Variants in TEP1 observed in about 807,000 individuals in gnomAD.
TEP1 encodes telomerase associated protein 1, also known as telomerase protein component 1.
Under a neutral mutation model 306.3 loss-of-function variants are expected in TEP1, and 241 were observed. The ratio of observed to expected loss-of-function variants is 0.79; its 90% CI spans 0.71 to 0.88. TEP1 has a LOEUF of 0.88. Among genes scored for constraint, TEP1 ranks in the 40% least tolerant of loss-of-function variants. The pLI is 0.00. For missense variants in TEP1, 3,051 were observed against 3,276.1 expected (o/e 0.93, Z 1.68); for synonymous variants, 1,289 against 1,305.5 (o/e 0.99, Z 0.27).
rs756543931 is a variant in TEP1, at chr14:20,373,818, C to T, written c.6472-8G>A. The stretch of plus-strand genomic sequence containing the variant: ...AGACACCACGTGCTCCTCCTGCCCA[C>T]AGAGCACAAGATCAGAGCAGAGTCA... On this transcript the variant is annotated splice_polypyrimidine_tract_variant and splice_region_variant and intron_variant, in intron 44 of 54. Coordinates refer to ENST00000262715, the MANE Select transcript of TEP1 (RefSeq NM_007110.5). 12 of 1,612,170 alleles carry T rather than the reference C, an allele frequency of 7.4e-6. No homozygotes were observed. The East Asian group carries it at 2.7e-4, about 36-fold the overall frequency.
At chr14:20,390,652 G>T in intron 15 of TEP1, 29 bp downstream of exon 15, 1 of 1,603,428 alleles carries the variant, frequency 6.2e-7, no homozygotes, top group Non-Finnish European at 8.5e-7. Flanking sequence ...GTGGGGGAGG[G>T]AGAGGGTTTC....
At chr14:20,383,679 A>G (rs1876809163) in intron 25 of TEP1, 35 bp from the exon 26 acceptor site, 1 of 1,599,626 alleles carries the variant, frequency 6.3e-7, no homozygotes, top group South Asian at 1.1e-5. Context: ...TCAGTGGGAG[A>G]GAAAAAAAAA....
At position 20,384,873 on chromosome 14, in the gene TEP1, C is replaced by T. The variant is rs1876986832; in HGVS notation, c.3107+112G>A. On this transcript the variant is annotated intron_variant, in intron 21 of 54. Coordinates refer to ENST00000262715, the MANE Select transcript of TEP1 (RefSeq NM_007110.5). ...GTGGGGCTGCAAAGGCATGCTGAGT[C>T]CTGTTTCTGCCTCATAGCACTCCCC... The T allele has an allele frequency of 3.2e-6, 5 of 1,546,182 alleles. No homozygotes were observed. The Admixed American group carries it at 9.5e-5, about 29-fold the overall frequency.
rs1885304641 is a variant in TEP1, at chr14:20,378,111, A to G, written c.5634T>C (p.Ala1878=). Residue 1878 remains alanine, a synonymous_variant, in exon 39 of 55, where the codon GCT becomes GCC. Coordinates refer to ENST00000262715, the MANE Select transcript of TEP1 (RefSeq NM_007110.5). ...CAAAGCCATGGTGGGCAGGGAAGGC[A>G]GCCAGCCGTGCCCCTTCTCGCCAGG... ...LWAWREGARL[A]AFPAHHGFVA... 6.2e-7 allele frequency: 1 copy of G among 1,613,878 alleles called. No homozygotes were observed. The highest frequency in any genetic ancestry group is 8.5e-7 in the Non-Finnish European group (1 of 1,180,006).
rs767994967 is a variant in TEP1 at position 20,405,483 on chromosome 14, G to T, written c.838C>A (p.Leu280Ile). 6.2e-7 allele frequency: 1 copy of T among 1,614,006 alleles called. No homozygotes were observed. Among genetic ancestry groups the T allele is most frequent in the African/African-American group, 1.3e-5 (1 of 74,896 alleles). The change falls in exon 4 of 55, where the codon CTT (leucine) becomes ATT (isoleucine). Residue 280 changes from leucine to isoleucine, a missense_variant. Coordinates refer to ENST00000262715, the MANE Select transcript of TEP1 (RefSeq NM_007110.5). ...LAAIFEICRE[L>I]ALLEPEFILK... Reference sequence around the variant, plus strand: ...ATAAACTCAGGCTCCAGGAGGGCAAGTTCACGACAGATTTCAAAAATGGCA... The same window carrying T: ...ATAAACTCAGGCTCCAGGAGGGCAATTTCACGACAGATTTCAAAAATGGCA...
intron 46 of TEP1, 49 bp downstream of exon 46, chr14:20,373,457 TC>T: frequency 6.2e-7 from 1 of 1,613,968 alleles, no homozygotes; most frequent in Admixed American, 1.7e-5. Flanking sequence ...AGAAGGTTAT[TC>T]CGCATACCTT....
rs149674201 is a variant in TEP1, at chr14:20,371,557, A to G, written c.7152T>C (p.Phe2384=). The change falls in exon 50 of 55, where the codon TTT becomes TTC. Residue 2384 remains phenylalanine, a synonymous_variant. Transcript: ENST00000262715. ...TSLDWAPDGH[F]LILAKADLKL... is the part of the protein sequence containing the mutation. ...TCAAATCTGCTTTGGCCAAGATGAG[A>G]AAGTGACCATCAGGAGCCCAATCCA... 1 of 1,607,272 alleles carries G rather than the reference A, an allele frequency of 6.2e-7. No homozygotes were observed. The highest frequency in any genetic ancestry group is 1.3e-5 in the African/African-American group (1 of 74,380).
intron 9 of TEP1, among the ~76,000 whole-genome samples, chr14:20,398,974 C>T (rs1370585874): frequency 2.0e-5 from 3 of 152,054 alleles, no homozygotes. Context: ...TCGCTGCAAC[C>T]TCCACTTTCC....
intron 1 of TEP1, among the ~76,000 whole-genome samples, chr14:20,412,525 C>A (rs1456144338): frequency 6.6e-6 from 1 of 152,174 alleles, no homozygotes; most frequent in East Asian, 1.9e-4. Flanking sequence ...AACAGTTTCA[C>A]AGTTTCTATG....
At chr14:20,403,676 T>C in intron 6 of TEP1, 47 bp downstream of exon 6, 1 of 1,611,790 alleles carries the variant, frequency 6.2e-7, no homozygotes, top group Non-Finnish European at 8.5e-7. Context: ...TGTCCTGCCC[T>C]TCCTGGAGAA....
At chr14:20,398,088 A>G (rs1878351643) in intron 9 of TEP1, among the ~76,000 whole-genome samples, 1 of 151,760 alleles carries the variant, frequency 6.6e-6, no homozygotes, top group Non-Finnish European at 1.5e-5. Context: ...TAAGGTTTAT[A>G]TCAATTTTAG....
intron 9 of TEP1, among the ~76,000 whole-genome samples, chr14:20,399,833 C>T (rs1377180879): frequency 6.6e-6 from 1 of 151,824 alleles, no homozygotes; most frequent in Non-Finnish European, 1.5e-5. Context: ...TGGTTCTCAA[C>T]CAGAGGGAGG....
intron 12 of TEP1, among the ~76,000 whole-genome samples, chr14:20,395,040 A>T (rs1240495897): frequency 6.6e-6 from 1 of 152,210 alleles, no homozygotes; most frequent in Non-Finnish European, 1.5e-5. Flanking sequence ...ACACACAACA[A>T]AAACAAAAAA....
chr14:20,403,159 C>CAAAAAA (rs61465318), intron 7 of TEP1, among the ~76,000 whole-genome samples: 2 of 83,216 alleles, frequency 2.4e-5, no homozygotes, highest in Admixed American at 1.4e-4. Flanking sequence ...AACTTCATCT[C>CAAAAAA]AAAAAAAAAA....
At chr14:20,399,301 T>C (rs1279720397) in intron 9 of TEP1, among the ~76,000 whole-genome samples, 4 of 152,216 alleles carry the variant, frequency 2.6e-5, no homozygotes, top group Non-Finnish European at 4.4e-5. Context: ...ACTGTTACTA[T>C]GTATAAAAGG....
Position 20,403,759 on chromosome 14 carries a change from C to T in TEP1, c.1158G>A (p.Arg386=). Residue 386 remains arginine (R), a synonymous_variant, in exon 6 of 55, where the codon CGG becomes CGA. Coordinates refer to ENST00000262715, the MANE Select transcript of TEP1 (RefSeq NM_007110.5). The stretch of plus-strand genomic sequence containing the variant: ...GTGGCCGGCGGGGGTGTCTCTTGGC[C>T]CGGTGCTTCCGAGGGTTGTACTTAG... The part of the protein sequence containing the change: ...QLAKYNPRKH[R]AKRHPRRPPR... 1 of 1,614,040 alleles carries T rather than the reference C, an allele frequency of 6.2e-7. No individual in the cohort carries two copies. The highest frequency in any genetic ancestry group is 8.5e-7 in the Non-Finnish European group (1 of 1,180,016).
intron 27 of TEP1, 63 bp downstream of exon 27, chr14:20,383,111 C>A: frequency 1.3e-6 from 2 of 1,517,572 alleles, no homozygotes; most frequent in East Asian, 2.3e-5. Flanking sequence ...GCCTCGGCAC[C>A]CCAGGTCCTC....
At chr14:20,405,891 G>T (rs112075916) in intron 3 of TEP1, among the ~76,000 whole-genome samples, 8 of 151,916 alleles carry the variant, frequency 5.3e-5, no homozygotes, top group African/African-American at 1.9e-4. Flanking sequence ...GTGCACGCCT[G>T]TAATTCCAGC....
In TEP1 at chr14:20,408,005, G is replaced by A. The variant is rs768105495; in HGVS notation, c.435C>T (p.Asn145=). Residue 145 remains asparagine, a synonymous_variant, in exon 2 of 55, where the codon AAC becomes AAT. Transcript: ENST00000262715. The part of the protein sequence containing the change: ...HMTQADLYRV[N]NSNCLLSEPP... ...GCTCAGAGAGCAGGCAATTGCTGTT[G>A]TTCACACGGTACAAATCAGCTTGCG... 5 of 1,614,218 alleles carry A rather than the reference G, an allele frequency of 3.1e-6. No individual in the cohort carries two copies. The highest frequency in any genetic ancestry group is 4.2e-6 in the Non-Finnish European group (5 of 1,180,040).
Sources: gnomAD v4.1 joint callset for allele counts (sites outside exome capture counted in the v4.1 genomes callset) on GRCh38, gnomAD v4.1.1 for gene constraint, MANE v1.5 for transcripts, NCBI Gene and HGNC (gene_info 2026-07-23, HGNC 2026-07-21) for gene names.